IL1RAPL1: variants seen among roughly 807,000 people sequenced by gnomAD.
IL1RAPL1 encodes interleukin 1 receptor accessory protein like 1, also known as interleukin-1 receptor accessory protein-like 1.
Under a neutral mutation model 48.4 loss-of-function variants are expected in IL1RAPL1, and 3 were observed. The observed-to-expected ratio is 0.06, with a 90% CI of 0.03 to 0.16. The LOEUF (loss-of-function observed/expected upper bound fraction) is 0.16. Among genes scored for constraint, IL1RAPL1 ranks in the 10% least tolerant of loss-of-function variants. The probability of loss-of-function intolerance (pLI) is 1.00; values close to 1 mark genes in which losing one functional copy is unlikely to be tolerated. For synonymous variants in IL1RAPL1, 185 were observed against 187.7 expected, an observed-to-expected ratio of 0.99 and a Z score of 0.12; for missense variants, 349 against 530.6, an observed-to-expected ratio of 0.66 and a Z score of 3.36.
intron 2 of IL1RAPL1, among the ~76,000 whole-genome samples, chrX:29,195,550 C>G (rs1194278674): frequency 1.0e-5 from 1 of 97,083 alleles, no homozygotes; most frequent in Non-Finnish European, 2.0e-5. Flanking sequence ...ATTTATCTAA[C>G]TAATTACTTT....
chrX:29,261,945 C>A (rs375931488), intron 2 of IL1RAPL1, among the ~76,000 whole-genome samples: 22 of 111,546 alleles, frequency 2.0e-4, no homozygotes, highest in Non-Finnish European at 3.8e-4. Flanking sequence ...TCTCTCTTTA[C>A]AACTAGATAT....
At chrX:28,750,278 G>T (rs960960702) in intron 1 of IL1RAPL1, among the ~76,000 whole-genome samples, 1 of 111,094 alleles carries the variant, frequency 9.0e-6, no homozygotes, top group Non-Finnish European at 1.9e-5. Context: ...TTAAATTTTT[G>T]GATTTTTAGG....
chrX:29,821,738 A>G (rs1930625548), intron 6 of IL1RAPL1, among the ~76,000 whole-genome samples: 1 of 112,457 alleles, frequency 8.9e-6, no homozygotes, highest in Non-Finnish European at 1.9e-5. Flanking sequence ...ATGATTTTCT[A>G]CTTCAAAAGG....
At chrX:29,340,579 C>T (rs1419570872) in intron 3 of IL1RAPL1, among the ~76,000 whole-genome samples, 1 of 112,004 alleles carries the variant, frequency 8.9e-6, no homozygotes, top group Non-Finnish European at 1.9e-5. Context: ...AAGTTTAAAA[C>T]TACATTCCCT....
At position 29,055,459 on chromosome X, in the gene IL1RAPL1, T is replaced by C. The variant is rs145042933; in HGVS notation, c.83-227479T>C. Among the ~76,000 whole-genome samples, 718 of 111,774 alleles carry C rather than the reference T, an allele frequency of 6.4e-3. 3 individuals are homozygous for C. The highest frequency in any genetic ancestry group is 0.022 in the African/African-American group (664 of 30,815). On this transcript the variant is annotated intron_variant, in intron 2 of 10. Coordinates refer to ENST00000378993, the MANE Select transcript of IL1RAPL1 (RefSeq NM_014271.4). ...ACGTTCCTAATTCTTGCTCTAGTTATCAATGTCAAATGCACTATCAATAGG... is the reference window on the plus strand; with the variant it reads ...ACGTTCCTAATTCTTGCTCTAGTTACCAATGTCAAATGCACTATCAATAGG...
At chrX:28,762,821 CACAG>C (rs1367588351) in intron 1 of IL1RAPL1, among the ~76,000 whole-genome samples, 32 of 37,322 alleles carry the variant, frequency 8.6e-4, no homozygotes, top group Non-Finnish European at 1.7e-3. Flanking sequence ...CACACACACA[CACAG>C]AGAGAGAGAG....
intron 2 of IL1RAPL1, among the ~76,000 whole-genome samples, chrX:29,144,625 AGG>A (rs1929311395): frequency 9.3e-6 from 1 of 107,258 alleles, no homozygotes. Flanking sequence ...AAAAAAAAAA[AGG>A]AAAGATCTGA....
chrX:29,078,609 G>A (rs763101619), intron 2 of IL1RAPL1, among the ~76,000 whole-genome samples: 15 of 112,142 alleles, frequency 1.3e-4, no homozygotes, highest in South Asian at 3.7e-4. Flanking sequence ...GATTCGAAGC[G>A]TTAAGTTATT....
chrX:28,886,711 T>C (rs1444332867), intron 2 of IL1RAPL1, among the ~76,000 whole-genome samples: 1 of 111,185 alleles, frequency 9.0e-6, no homozygotes, highest in Non-Finnish European at 1.9e-5. Context: ...ATTTCAAGGA[T>C]ACTGCCTCAA....
rs35694893 is a variant in IL1RAPL1, at chrX:29,361,542, AACACAC to A, written c.363-34690_363-34685del. 5.2e-4 allele frequency among the ~76,000 whole-genome samples: 53 copies of A among 101,004 alleles called. 1 individual carries two copies. The highest frequency in any genetic ancestry group is 9.1e-4 in the Non-Finnish European group (45 of 49,492). 87.7% of individuals were successfully genotyped at this position (101,004 alleles called of 115,157 possible). ...GAAGTGCATGCTAAAAACTACCTTA[AACACAC>A]ACACACACACACACACACACACACA... On this transcript the variant is annotated intron_variant, in intron 3 of 10. Coordinates refer to ENST00000378993, the MANE Select transcript of IL1RAPL1 (RefSeq NM_014271.4).
At chrX:29,024,959 T>C (rs1926452558) in intron 2 of IL1RAPL1, among the ~76,000 whole-genome samples, 1 of 111,587 alleles carries the variant, frequency 9.0e-6, no homozygotes, top group Middle Eastern at 4.2e-3. Context: ...TCACTCCTCA[T>C]TTCTCTCCTC....
At chrX:28,963,310 A>T (rs775801201) in intron 2 of IL1RAPL1, among the ~76,000 whole-genome samples, 9 of 111,298 alleles carry the variant, frequency 8.1e-5, no homozygotes, top group Admixed American at 9.7e-5. Context: ...TGGCCAGAAT[A>T]TGTTCATTTT....
At chrX:28,742,662 C>T (rs771252473) in intron 1 of IL1RAPL1, among the ~76,000 whole-genome samples, 30 of 111,445 alleles carry the variant, frequency 2.7e-4, no homozygotes, top group Non-Finnish European at 4.0e-4. Flanking sequence ...TTTCAAATGG[C>T]TGTTATTGCA....
At chrX:29,464,944 G>A (rs1317081696) in intron 5 of IL1RAPL1, among the ~76,000 whole-genome samples, 1 of 111,451 alleles carries the variant, frequency 9.0e-6, no homozygotes, top group Non-Finnish European at 1.9e-5. Context: ...GCAGGAGGGT[G>A]AGGATGGAAA....
At chrX:29,331,998 A>C (rs945403766) in intron 3 of IL1RAPL1, among the ~76,000 whole-genome samples, 2 of 109,765 alleles carry the variant, frequency 1.8e-5, no homozygotes, top group Non-Finnish European at 3.8e-5. Flanking sequence ...GCAATAAGTT[A>C]ACTATTATTA....
intron 6 of IL1RAPL1, among the ~76,000 whole-genome samples, chrX:29,803,220 TACATATACAC>T (rs1930093666): frequency 1.9e-4 from 7 of 36,795 alleles, no homozygotes; most frequent in African/African-American, 8.2e-4. Context: ...TATATATGTA[TACATATACAC>T]ACATGTATAT....
intron 6 of IL1RAPL1, among the ~76,000 whole-genome samples, chrX:29,819,406 G>T (rs186647129): frequency 4.2e-4 from 47 of 111,029 alleles, no homozygotes; most frequent in African/African-American, 2.9e-4. Context: ...GTACCATGGT[G>T]GGGGGGAAAT....
chrX:29,077,996 G>A (rs1443910475), intron 2 of IL1RAPL1, among the ~76,000 whole-genome samples: 7 of 112,020 alleles, frequency 6.2e-5, no homozygotes, highest in African/African-American at 1.3e-4. Context: ...AACAACAGGC[G>A]GCCCAGCACG....
chrX:28,993,078 T>C (rs895395599), intron 2 of IL1RAPL1, among the ~76,000 whole-genome samples: 1 of 112,264 alleles, frequency 8.9e-6, no homozygotes, highest in Non-Finnish European at 1.9e-5. Context: ...TTGAAAATTA[T>C]GCTGTGATTC....
Sources: gnomAD v4.1 joint callset for allele counts (sites outside exome capture counted in the v4.1 genomes callset) on GRCh38, gnomAD v4.1.1 for gene constraint, MANE v1.5 for transcripts, NCBI Gene and HGNC (gene_info 2026-07-23, HGNC 2026-07-21) for gene names.